RGS5: variants seen among roughly 807,000 people sequenced by gnomAD.
RGS5 encodes the protein regulator of G-protein signalling 5.
A neutral mutation model predicts 18.9 loss-of-function variants in RGS5; 20 were observed. The ratio of observed to expected loss-of-function variants is 1.06; its 90% CI spans 0.74 to 1.54. The LOEUF (loss-of-function observed/expected upper bound fraction) is 1.54. RGS5 is among the 40% of genes most tolerant of loss of function. RGS5 has a pLI of 0.00. For missense variants in RGS5, 201 were observed against 211.8 expected, an observed-to-expected ratio of 0.95 and a Z score of 0.32; for synonymous variants, 57 against 76.2, an observed-to-expected ratio of 0.75 and a Z score of 1.31.
chr1:163,194,460 T>C (rs927712335), intron 1 of RGS5, among the ~76,000 whole-genome samples: 1 of 152,160 alleles, frequency 6.6e-6, no homozygotes, highest in African/African-American at 2.4e-5. Context: ...GGAAGGAGTA[T>C]AACAGACCAT....
intron 2 of RGS5, among the ~76,000 whole-genome samples, chr1:163,276,143 C>T (rs1050033085): frequency 6.6e-6 from 1 of 152,102 alleles, no homozygotes; most frequent in Non-Finnish European, 1.5e-5. Context: ...TACAGGCATG[C>T]ACCACTATGC....
At chr1:163,263,723 G>T (rs551130319) in intron 2 of RGS5, among the ~76,000 whole-genome samples, 2 of 152,128 alleles carry the variant, frequency 1.3e-5, no homozygotes, top group South Asian at 4.2e-4. Context: ...TTCCCAGAAA[G>T]ATTTGGTGTT....
chr1:163,286,294 G>A (rs569026887), intron 2 of RGS5, among the ~76,000 whole-genome samples: 3 of 152,174 alleles, frequency 2.0e-5, no homozygotes, highest in Non-Finnish European at 4.4e-5. Context: ...TTACATAAGG[G>A]ACTTGAGCAT....
At chr1:163,295,630 G>A (rs936275971) in intron 2 of RGS5, among the ~76,000 whole-genome samples, 10 of 151,978 alleles carry the variant, frequency 6.6e-5, no homozygotes, top group South Asian at 4.1e-4. Flanking sequence ...CTCTTCCTAC[G>A]GTCTTCCTCT....
At chr1:163,229,479 T>A (rs927956447) in intron 2 of RGS5, among the ~76,000 whole-genome samples, 1 of 152,198 alleles carries the variant, frequency 6.6e-6, no homozygotes, top group Non-Finnish European at 1.5e-5. Flanking sequence ...CCAAACCATA[T>A]CATCAGGCAA....
upstream of RGS5, among the ~76,000 whole-genome samples, chr1:163,221,867 T>A (rs1410342414): frequency 6.6e-6 from 1 of 152,150 alleles, no homozygotes. Flanking sequence ...CTCTACATCT[T>A]TTAAGACTTT....
chr1:163,200,428 T>C (rs1215854875), intron 1 of RGS5, among the ~76,000 whole-genome samples: 3 of 152,180 alleles, frequency 2.0e-5, no homozygotes, highest in Non-Finnish European at 4.4e-5. Context: ...CCATGTTCCT[T>C]TTGTGGCTTG....
intron 2 of RGS5, among the ~76,000 whole-genome samples, chr1:163,303,659 A>G (rs1403205870): frequency 6.6e-6 from 1 of 152,182 alleles, no homozygotes. Flanking sequence ...CTGGTATACA[A>G]TCAGGGGTTC....
intron 2 of RGS5, among the ~76,000 whole-genome samples, chr1:163,290,314 GTCC>G (rs1330984387): frequency 1.3e-5 from 2 of 152,204 alleles, no homozygotes; most frequent in Non-Finnish European, 2.9e-5. Flanking sequence ...TTGTGTCCAC[GTCC>G]TCGATTTCCT....
chr1:163,289,064 C>T (rs1257551008), intron 2 of RGS5, among the ~76,000 whole-genome samples: 1 of 152,090 alleles, frequency 6.6e-6, no homozygotes, highest in Non-Finnish European at 1.5e-5. Context: ...CTCCATATTG[C>T]AACCAGAATA....
chr1:163,269,590 T>A (rs543067961), intron 2 of RGS5, among the ~76,000 whole-genome samples: 2 of 152,256 alleles, frequency 1.3e-5, no homozygotes, highest in East Asian at 3.9e-4. Context: ...TATCTTATCA[T>A]CAAAGTAGGA....
chr1:163,282,240 A>G (rs1319276812), intron 2 of RGS5, among the ~76,000 whole-genome samples: 1 of 152,164 alleles, frequency 6.6e-6, no homozygotes, highest in South Asian at 2.1e-4. Context: ...TCAACAGCAA[A>G]CAAACAAATA....
chr1:163,295,444 G>T (rs1015477459), intron 2 of RGS5, among the ~76,000 whole-genome samples: 3 of 152,108 alleles, frequency 2.0e-5, no homozygotes, highest in Admixed American at 2.0e-4. Context: ...TCAGTTTCTC[G>T]ATTGTGAAAC....
intron 2 of RGS5, among the ~76,000 whole-genome samples, chr1:163,271,327 T>C (rs1648711368): frequency 6.6e-6 from 1 of 152,144 alleles, no homozygotes; most frequent in Non-Finnish European, 1.5e-5. Context: ...CTTTGGCAGC[T>C]ACTTAGATTT....
At chr1:163,283,842 T>C (rs1252789738) in intron 2 of RGS5, among the ~76,000 whole-genome samples, 2 of 152,158 alleles carry the variant, frequency 1.3e-5, no homozygotes, top group East Asian at 1.9e-4. Flanking sequence ...TGCAAGGAGA[T>C]GAAACTCTGT....
At chr1:163,241,523 G>A (rs1403825658) in intron 2 of RGS5, among the ~76,000 whole-genome samples, 1 of 152,106 alleles carries the variant, frequency 6.6e-6, no homozygotes, top group Non-Finnish European at 1.5e-5. Flanking sequence ...TTCAGACTAT[G>A]GTTATTCTGG....
At chr1:163,194,538 T>C (rs1182100541) in intron 1 of RGS5, among the ~76,000 whole-genome samples, 1 of 152,106 alleles carries the variant, frequency 6.6e-6, no homozygotes, top group Non-Finnish European at 1.5e-5. Context: ...ACATGACTTA[T>C]CCTCCACTAG....
chr1:163,243,202 AAC>A (rs1383069688), intron 2 of RGS5, among the ~76,000 whole-genome samples: 1 of 152,164 alleles, frequency 6.6e-6, no homozygotes, highest in Non-Finnish European at 1.5e-5. Context: ...CAGAAAACCA[AAC>A]ACCGCATGTT....
intron 1 of RGS5, among the ~76,000 whole-genome samples, chr1:163,169,329 G>A (rs1302439595): frequency 4.6e-5 from 7 of 152,220 alleles, no homozygotes; most frequent in African/African-American, 1.7e-4. Context: ...ACATATGTGT[G>A]CATGTGTCTT....
Sources: allele counts gnomAD v4.1 joint callset (sites outside exome capture counted in the v4.1 genomes callset), GRCh38; gene constraint gnomAD v4.1.1; transcripts MANE v1.5; gene names NCBI Gene and HGNC (gene_info 2026-07-23, HGNC 2026-07-21).